Variants in GLG1 observed in about 807,000 individuals in gnomAD.
GLG1 encodes golgi glycoprotein 1.
A neutral mutation model predicts 160.5 loss-of-function variants in GLG1; 38 were observed. That is an observed-to-expected ratio of 0.24 (90% CI 0.18 to 0.31). GLG1 has a LOEUF of 0.31. Among genes scored for constraint, GLG1 ranks in the 10% least tolerant of loss-of-function variants. GLG1 has a pLI of 1.00. For synonymous variants in GLG1, 644 were observed against 543.4 expected, an observed-to-expected ratio of 1.19 and a Z score of -2.57; for missense variants, 1,373 against 1,505.2, an observed-to-expected ratio of 0.91 and a Z score of 1.45.
chr16:74,504,609 T>C (rs918340852), intron 3 of GLG1, among the ~76,000 whole-genome samples: 16 of 152,200 alleles, frequency 1.1e-4, no homozygotes, highest in African/African-American at 3.9e-4. Context: ...ATGACATTAA[T>C]GTGTTCTAAA....
intron 23 of GLG1, 134 bp from the exon 24 acceptor site, chr16:74,458,128 G>A: frequency 1.3e-6 from 1 of 759,474 alleles, no homozygotes; most frequent in Non-Finnish European, 2.2e-6. Context: ...TTTGGGACAG[G>A]TTGCAAGGTG....
rs539834935 is a variant in GLG1 at position 74,452,264 on chromosome 16, G to A, written c.*903C>T. On this transcript the variant is annotated 3_prime_UTR_variant, in exon 26 of 26. Transcript: ENST00000422840. Reference sequence around the variant, plus strand: ...GAAGCGCAGAGCTTCCAGAGTGACTGTAGCCTCAGCAGGGCCGGTCCAGAC... The same window carrying A: ...GAAGCGCAGAGCTTCCAGAGTGACTATAGCCTCAGCAGGGCCGGTCCAGAC... The A allele has an allele frequency of 1.7e-5, 25 of 1,489,332 alleles. No homozygotes were observed. The South Asian group carries it at 2.9e-4, about 17-fold the overall frequency. The allele number at this position is 1,489,332 out of a possible 1,614,324, so 92.3% of individuals were successfully genotyped here.
intron 5 of GLG1, among the ~76,000 whole-genome samples, chr16:74,496,076 C>A (rs62052084): frequency 0.095 from 14,505 of 152,112 alleles, 1,118 homozygotes; most frequent in East Asian, 0.36. Context: ...CCAGTCCGGG[C>A]AATACAGCAA....
At position 74,452,401 on chromosome 16, in the gene GLG1, C is replaced by A. The variant is rs1208724037; in HGVS notation, c.*766G>T. ...TGGATGGACTGTTCAACTTCACAAACTTCCGGTCCCTTCCCCTCCCCAGCT... is the reference window on the plus strand; with the variant it reads ...TGGATGGACTGTTCAACTTCACAAAATTCCGGTCCCTTCCCCTCCCCAGCT... On this transcript the variant is annotated 3_prime_UTR_variant, in exon 26 of 26. Coordinates refer to ENST00000422840, the MANE Select transcript of GLG1 (RefSeq NM_001145667.2). 1 of 1,205,638 alleles carries A rather than the reference C, an allele frequency of 8.3e-7. No homozygotes were observed. The highest frequency in any genetic ancestry group is 1.5e-5 in the African/African-American group (1 of 65,382). The allele number at this position is 1,205,638 out of a possible 1,614,324, so 74.7% of individuals were successfully genotyped here. A position where few individuals can be genotyped will look rare whatever the true frequency, so the allele number is the denominator to read the frequency against.
chr16:74,546,677 A>C (rs1284294107), intron 1 of GLG1, among the ~76,000 whole-genome samples: 1 of 151,414 alleles, frequency 6.6e-6, no homozygotes, highest in Non-Finnish European at 1.5e-5. Flanking sequence ...GTCTCTACTA[A>C]AAATACAAAA....
intron 3 of GLG1, among the ~76,000 whole-genome samples, chr16:74,507,348 A>G (rs1055635327): frequency 6.6e-6 from 1 of 152,012 alleles, no homozygotes; most frequent in African/African-American, 2.4e-5. Context: ...CCCTGGGCCA[A>G]TCAAACTGGT....
intron 2 of GLG1, among the ~76,000 whole-genome samples, chr16:74,515,050 A>C (rs74433035): frequency 6.6e-6 from 1 of 152,118 alleles, no homozygotes; most frequent in Non-Finnish European, 1.5e-5. Context: ...AGACAAAGAA[A>C]GCCATTACAT....
chr16:74,606,958 A>T lies in GLG1; in HGVS notation c.137T>A (p.Phe46Tyr), dbSNP rs751301270. ...TCCGGCCTGCCCTACGAAGGACACA[A>T]AGTTGGCCCCGGGACCCTGGCCCTG... The part of the protein sequence containing the change: ...HSQGQGPGAN[F>Y]VSFVGQAGGG... The change falls in exon 1 of 26, where the codon TTT (phenylalanine) becomes TAT (tyrosine). Residue 46 changes from phenylalanine to tyrosine, a missense_variant. Phe to Tyr is a conservative substitution (Grantham distance 22). Transcript: ENST00000422840. 8 of 1,608,846 alleles carry T rather than the reference A, an allele frequency of 5.0e-6. No homozygotes were observed. The highest frequency in any genetic ancestry group is 6.8e-6 in the Non-Finnish European group (8 of 1,178,988).
intron 1 of GLG1, among the ~76,000 whole-genome samples, chr16:74,595,268 T>G (rs1323667079): frequency 6.6e-6 from 1 of 151,554 alleles, no homozygotes; most frequent in Admixed American, 6.6e-5. Context: ...CTGGGTGTGG[T>G]GGCTCACGCC....
At chr16:74,561,860 G>A (rs2018523213) in intron 1 of GLG1, among the ~76,000 whole-genome samples, 1 of 152,182 alleles carries the variant, frequency 6.6e-6, no homozygotes, top group Non-Finnish European at 1.5e-5. Context: ...ATGGAAGACA[G>A]AAAATGATCC....
chr16:74,547,501 A>G (rs926188547), intron 1 of GLG1, among the ~76,000 whole-genome samples: 1 of 152,198 alleles, frequency 6.6e-6, no homozygotes, highest in African/African-American at 2.4e-5. Flanking sequence ...CACATTTAGC[A>G]TTCTTTTGGA....
chr16:74,452,914 G>C lies in GLG1; in HGVS notation c.*253C>G. The C allele has an allele frequency of 8.4e-7, 1 of 1,187,286 alleles. No homozygotes were observed. Among genetic ancestry groups the C allele is most frequent in the Non-Finnish European group, 1.0e-6 (1 of 958,778 alleles). The allele number at this position is 1,187,286 out of a possible 1,614,324, so 73.5% of individuals were successfully genotyped here. ...TTGGTATGAGAGAGACTTGTCTACA[G>C]GCAGGTAAACCCAAGTTTGCCAAAC... On this transcript the variant is annotated 3_prime_UTR_variant, in exon 26 of 26. Transcript: ENST00000422840.
At position 74,470,073 on chromosome 16, in the gene GLG1, C is replaced by A. The variant is rs765912729; in HGVS notation, c.2230G>T (p.Val744Leu). ...GAAAACCGAAAATCCTTCATCTGCA[C>A]CTGAAAGGTAAAGAGAAAGAAAGTC... ...CAIGVTHFQLVQMKDFRFSYK... is the reference protein window; with the variant it reads ...CAIGVTHFQLLQMKDFRFSYK... Residue 744 changes from valine (V) to leucine (L), a missense_variant and splice_region_variant, in exon 16 of 26, where the codon GTG (valine) becomes TTG (leucine). This residue lies in a region of GLG1 where 491 missense variants were observed against 632.1 expected (regional missense o/e 0.78). Transcript: ENST00000422840. 63 of 1,586,042 alleles carry A rather than the reference C, an allele frequency of 4.0e-5. No homozygotes were observed. The highest frequency in any genetic ancestry group is 7.8e-6 in the Non-Finnish European group (9 of 1,155,330).
chr16:74,470,728 G>A (rs140060678), intron 15 of GLG1, among the ~76,000 whole-genome samples: 4 of 152,056 alleles, frequency 2.6e-5, no homozygotes, highest in Admixed American at 6.5e-5. Context: ...AATTACAGGC[G>A]TGAGCCACCA....
chr16:74,520,009 T>C (rs2017109620), intron 2 of GLG1, among the ~76,000 whole-genome samples: 1 of 152,206 alleles, frequency 6.6e-6, no homozygotes, highest in East Asian at 1.9e-4. Flanking sequence ...CCTATACGAC[T>C]TTTAGTTTGC....
chr16:74,582,956 A>G (rs1295462261), intron 1 of GLG1, among the ~76,000 whole-genome samples: 1 of 152,128 alleles, frequency 6.6e-6, no homozygotes, highest in Non-Finnish European at 1.5e-5. Flanking sequence ...TAGCTGTGCT[A>G]CTCTAGTTAC....
intron 1 of GLG1, among the ~76,000 whole-genome samples, chr16:74,589,704 G>A (rs1428298983): frequency 6.6e-6 from 1 of 152,166 alleles, no homozygotes; most frequent in Non-Finnish European, 1.5e-5. Context: ...AATGTCTTCT[G>A]ACTTCTGCTT....
chr16:74,558,784 A>G (rs80304973), intron 1 of GLG1, among the ~76,000 whole-genome samples: 19,094 of 152,334 alleles, frequency 0.13, 1,646 homozygotes, highest in Admixed American at 0.23. Flanking sequence ...AAGGGCAGAT[A>G]AATGTTTCAA....
intron 1 of GLG1, among the ~76,000 whole-genome samples, chr16:74,537,193 A>G (rs1420214000): frequency 4.6e-5 from 7 of 152,228 alleles, no homozygotes; most frequent in Admixed American, 6.5e-5. Flanking sequence ...AGAATTTAGC[A>G]CATCCCCATC....
Sources: gnomAD v4.1 joint callset for allele counts (sites outside exome capture counted in the v4.1 genomes callset) on GRCh38, gnomAD v4.1.1 for gene constraint, gnomAD v4.1.1 regional missense constraint, MANE v1.5 for transcripts, NCBI Gene and HGNC (gene_info 2026-07-23, HGNC 2026-07-21) for gene names.